Variants in MAP4K3 observed in about 807,000 individuals in gnomAD.
MAP4K3 encodes MAPK/ERK kinase kinase kinase 3.
Under a neutral mutation model 143.5 loss-of-function variants are expected in MAP4K3, and 94 were observed. The observed-to-expected ratio is 0.65, with a 90% CI of 0.55 to 0.78. The LOEUF is 0.78. Ranked by LOEUF, MAP4K3 falls within the 30% of genes least tolerant of loss-of-function variation. The pLI, the probability that MAP4K3 is intolerant of heterozygous loss-of-function variation, is 0.00. For missense variants in MAP4K3, 1,077 were observed against 1,068.1 expected, an observed-to-expected ratio of 1.01 and a Z score of -0.12; for synonymous variants, 416 against 347.2, an observed-to-expected ratio of 1.20 and a Z score of -2.20.
chr2:39,267,139 A>G (rs1395527137), intron 27 of MAP4K3, 50 bp downstream of exon 27: 1 of 1,565,054 alleles, frequency 6.4e-7, no homozygotes, highest in Admixed American at 1.7e-5. Flanking sequence ...TTTATGCCAG[A>G]TTTTAGGAGG....
chr2:39,292,780 AT>A lies in MAP4K3; in HGVS notation c.1263del (p.Glu421AspfsTer7), dbSNP rs1227982542. 1 of 1,612,174 alleles carries A rather than the reference AT, an allele frequency of 6.2e-7. No individual in the cohort carries two copies. The highest frequency in any genetic ancestry group is 8.5e-7 in the Non-Finnish European group (1 of 1,178,354). Reference sequence around the variant, plus strand: ...AACAGAGACAGAACTTACTGTTTAGATTCATCATCATCTCCTTCATCATCTT... The same window carrying A: ...AACAGAGACAGAACTTACTGTTTAGATCATCATCATCTCCTTCATCATCTT... ...HLEDDEGDDD[E>X]SKHSTLKAKI... On this transcript the variant is annotated frameshift_variant, in exon 18 of 34. Coordinates refer to ENST00000263881, the MANE Select transcript of MAP4K3 (RefSeq NM_003618.4). LOFTEE classifies it high-confidence loss of function.
chr2:39,403,938 G>C (rs2148610522), intron 1 of MAP4K3, among the ~76,000 whole-genome samples: 1 of 151,410 alleles, frequency 6.6e-6, no homozygotes, highest in East Asian at 2.0e-4. Flanking sequence ...ACCCATTCCA[G>C]GCCCTAGCTC....
chr2:39,432,552 A>G (rs1230391506), intron 1 of MAP4K3, among the ~76,000 whole-genome samples: 1 of 152,200 alleles, frequency 6.6e-6, no homozygotes, highest in African/African-American at 2.4e-5. Context: ...ACAATGTTTG[A>G]GCTTCCTTCA....
At chr2:39,309,325 A>G in intron 14 of MAP4K3, 136 bp downstream of exon 14, 1 of 604,066 alleles carries the variant, frequency 1.7e-6, no homozygotes, top group Non-Finnish European at 2.8e-6. Flanking sequence ...GGGTCTTACT[A>G]TGTTGACCAG....
At chr2:39,364,866 A>C (rs1263530302) in intron 2 of MAP4K3, among the ~76,000 whole-genome samples, 1 of 8,194 alleles carries the variant, frequency 1.2e-4, no homozygotes, top group South Asian at 2.8e-3. Flanking sequence ...ACTCTGTCTC[A>C]AAAAAAAAAA....
At chr2:39,263,138 T>C (rs990767705) in intron 28 of MAP4K3, among the ~76,000 whole-genome samples, 4 of 152,030 alleles carry the variant, frequency 2.6e-5, no homozygotes, top group African/African-American at 9.7e-5. Flanking sequence ...GTCAGAAATG[T>C]CATTAGGAGG....
At position 39,293,276 on chromosome 2, in the gene MAP4K3, G is replaced by GA. The variant is rs1682129482; in HGVS notation, c.1179-9dup. 6.6e-7 allele frequency: 1 copy of GA among 1,514,058 alleles called. No individual in the cohort carries two copies. Among genetic ancestry groups the GA allele is most frequent in the Admixed American group, 2.1e-5 (1 of 46,822 alleles). The allele number at this position is 1,514,058 out of a possible 1,614,324, so 93.8% of individuals were successfully genotyped here. Reference sequence around the variant, plus strand: ...ACAGACTTGAGAAGACTCCTTAAAAGAAAAAACAAAAACAAAAAATAATGT... The same window carrying GA: ...ACAGACTTGAGAAGACTCCTTAAAAGAAAAAAACAAAAACAAAAAATAATGT... On this transcript the variant is annotated splice_polypyrimidine_tract_variant and intron_variant, in intron 16 of 33. Coordinates refer to ENST00000263881, the MANE Select transcript of MAP4K3 (RefSeq NM_003618.4).
intron 12 of MAP4K3, among the ~76,000 whole-genome samples, chr2:39,318,486 C>T (rs1456381523): frequency 1.3e-5 from 2 of 152,034 alleles, no homozygotes; most frequent in Admixed American, 6.6e-5. Flanking sequence ...CCTTTAATTT[C>T]TAAACATAAA....
rs116189703 is a variant in MAP4K3 at position 39,410,181 on chromosome 2, C to T, written c.96+26711G>A. ...GATTGTGGAGGAGGGAGCTGCTAATCTGTCATTTAAAGCAACAGCTGATTT... is the reference window on the plus strand; with the variant it reads ...GATTGTGGAGGAGGGAGCTGCTAATTTGTCATTTAAAGCAACAGCTGATTT... On this transcript the variant is annotated intron_variant, in intron 1 of 33. Transcript: ENST00000263881. Among the ~76,000 whole-genome samples, 1,119 of 152,262 alleles carry T rather than the reference C, an allele frequency of 7.3e-3. 8 individuals are homozygous for T. The highest frequency in any genetic ancestry group is 0.012 in the Non-Finnish European group (799 of 68,008).
At chr2:39,385,186 GTAGA>G (rs1666462730) in intron 1 of MAP4K3, among the ~76,000 whole-genome samples, 1 of 152,056 alleles carries the variant, frequency 6.6e-6, no homozygotes, top group Non-Finnish European at 1.5e-5. Context: ...TGTATACAGG[GTAGA>G]TAAATACCCA....
intron 20 of MAP4K3, among the ~76,000 whole-genome samples, chr2:39,287,742 G>A (rs1464541051): frequency 6.6e-6 from 1 of 152,150 alleles, no homozygotes; most frequent in Non-Finnish European, 1.5e-5. Context: ...ATGATTAAAT[G>A]AAATAAGGAG....
rs1298478246 is a variant in MAP4K3 at position 39,349,383 on chromosome 2, G to A, written c.246-5931C>T. On this transcript the variant is annotated intron_variant, in intron 3 of 33. Transcript: ENST00000263881. ...GAGGGGTAAGGATGCTGTACTCAGG[G>A]GGATACAAGCTGATCTATTTCTCTA... Among the ~76,000 whole-genome samples, 2 of 152,036 alleles carry A rather than the reference G, an allele frequency of 1.3e-5. 1 individual carries two copies. Among genetic ancestry groups the A allele is most frequent in the Non-Finnish European group, 2.9e-5 (2 of 68,018 alleles).
rs570084545 is a variant in MAP4K3 at position 39,400,206 on chromosome 2, T to C, written c.97-22083A>G. 3.7e-3 allele frequency among the ~76,000 whole-genome samples: 558 copies of C among 152,318 alleles called. 4 individuals carry two copies. The highest frequency in any genetic ancestry group is 0.013 in the African/African-American group (528 of 41,562). ...CTCCATTCACAGAATTATAAATGTC[T>C]GTTGTATGTTTTTAACTTCTCTGTT... is the stretch of plus-strand genomic sequence containing the variant. On this transcript the variant is annotated intron_variant, in intron 1 of 33. Coordinates refer to ENST00000263881, the MANE Select transcript of MAP4K3 (RefSeq NM_003618.4).
intron 31 of MAP4K3, among the ~76,000 whole-genome samples, chr2:39,255,612 A>G (rs1189286105): frequency 6.6e-6 from 1 of 152,136 alleles, no homozygotes; most frequent in Non-Finnish European, 1.5e-5. Context: ...GTAAGTTTCA[A>G]TATTGGGTAG....
At chr2:39,298,153 A>G (rs569057196) in intron 16 of MAP4K3, among the ~76,000 whole-genome samples, 1 of 152,322 alleles carries the variant, frequency 6.6e-6, no homozygotes, top group Non-Finnish European at 1.5e-5. Context: ...TCATATTTAG[A>G]GAAAATAACA....
intron 1 of MAP4K3, among the ~76,000 whole-genome samples, chr2:39,410,650 T>A (rs1353277403): frequency 6.6e-6 from 1 of 152,156 alleles, no homozygotes; most frequent in African/African-American, 2.4e-5. Flanking sequence ...ATTTAAAAGA[T>A]CATTTTTAAA....
intron 2 of MAP4K3, among the ~76,000 whole-genome samples, chr2:39,367,297 T>C (rs1361013927): frequency 6.6e-6 from 1 of 152,128 alleles, no homozygotes; most frequent in African/African-American, 2.4e-5. Context: ...GTCCCAGAAC[T>C]TTAGGAAGCT....
At chr2:39,326,344 G>C (rs777318894) in intron 8 of MAP4K3, 67 bp from the exon 9 acceptor site, 2 of 1,539,644 alleles carry the variant, frequency 1.3e-6, no homozygotes, top group African/African-American at 1.4e-5. Flanking sequence ...CCCACCCAGA[G>C]GCACAAGGAA....
chr2:39,315,376 C>A lies in MAP4K3; in HGVS notation c.931G>T (p.Val311Leu). Reference sequence around the variant, plus strand: ...CTTGTTGAGTGAATTCTATGTGGTACAGCAACAAGAGGCTAGAAAAGAACA... The same window carrying A: ...CTTGTTGAGTGAATTCTATGTGGTAAAGCAACAAGAGGCTAGAAAAGAACA... ...DDDDPEPLVAVPHRIHSTSRN... is the reference protein window; with the variant it reads ...DDDDPEPLVALPHRIHSTSRN... The change falls in exon 13 of 34, where the codon GTA becomes TTA. Residue 311 changes from valine (V) to leucine (L), a missense_variant. Physicochemically the swap from Val to Leu is conservative, Grantham distance 32. Around this residue, in one of 2 missense-constraint regions of MAP4K3, gnomAD observed 864 missense variants for 801.2 expected, o/e 1.08. Transcript: ENST00000263881. 1 of 1,610,690 alleles carries A rather than the reference C, an allele frequency of 6.2e-7. No homozygotes were observed. The highest frequency in any genetic ancestry group is 8.5e-7 in the Non-Finnish European group (1 of 1,178,070).
Sources: allele counts gnomAD v4.1 joint callset (sites outside exome capture counted in the v4.1 genomes callset), GRCh38; gene constraint gnomAD v4.1.1; regional missense constraint gnomAD v4.1.1; transcripts MANE v1.5; gene names NCBI Gene and HGNC (gene_info 2026-07-23, HGNC 2026-07-21).